The following ELF5 variants were observed in gnomAD, a reference collection of about 807,000 sequenced individuals.
The protein encoded by ELF5 is E74 like ETS transcription factor 5, also known as ETS-related transcription factor Elf-5.
ELF5 carries 31 observed loss-of-function variants against 38.2 expected under a neutral mutation model. The observed-to-expected ratio is 0.81, with a 90% confidence interval of 0.61 to 1.10. The LOEUF is 1.10. Ranked by LOEUF, ELF5 falls within the 50% of genes least tolerant of loss-of-function variation. The pLI, the probability that ELF5 is intolerant of heterozygous loss-of-function variation, is 0.00. For synonymous variants in ELF5, 121 were observed against 112.5 expected (o/e 1.08, Z -0.48); for missense variants, 300 against 306.6 (o/e 0.98, Z 0.16).
At chr11:34,504,837 T>G (rs1564984911) in intron 2 of ELF5, among the ~76,000 whole-genome samples, 1 of 151,934 alleles carries the variant, frequency 6.6e-6, no homozygotes, top group African/African-American at 2.4e-5. Flanking sequence ...CCTTCTCAGG[T>G]GGAGAAATCC....
chr11:34,490,013 T>C lies in ELF5; in HGVS notation c.402A>G (p.Lys134=). 1 of 1,614,162 alleles carries C rather than the reference T, an allele frequency of 6.2e-7. No homozygotes were observed. Among genetic ancestry groups the C allele is most frequent in the Non-Finnish European group, 8.5e-7 (1 of 1,179,982 alleles). Residue 134 remains lysine (K), a synonymous_variant, in exon 4 of 7, where the codon AAA becomes AAG. Coordinates refer to ENST00000257832, the MANE Select transcript of ELF5 (RefSeq NM_001422.4). Reference sequence around the variant, plus strand: ...GGCTTGCGCTTGGTTACTTACAGTCTTTGATGGTGGCCTTGCTTTCTTCAG... The same window carrying C: ...GGCTTGCGCTTGGTTACTTACAGTCCTTGATGGTGGCCTTGCTTTCTTCAG... ...NDAEESKATI[K]DYADSNCLKT...
At chr11:34,497,393 C>T (rs7125892) in intron 2 of ELF5, among the ~76,000 whole-genome samples, 16,766 of 152,178 alleles carry the variant, frequency 0.11, 1,756 homozygotes, top group African/African-American at 0.27. Context: ...CAGGCTCTGC[C>T]AGCTCCTTTG....
intron 2 of ELF5, among the ~76,000 whole-genome samples, chr11:34,499,417 T>C (rs944509510): frequency 1.4e-4 from 22 of 152,018 alleles, no homozygotes; most frequent in Admixed American, 2.0e-4. Flanking sequence ...AATTTTTTAA[T>C]TTTGTAGGAA....
chr11:34,508,390 C>T (rs901482514), intron 1 of ELF5, among the ~76,000 whole-genome samples: 9 of 152,104 alleles, frequency 5.9e-5, no homozygotes, highest in African/African-American at 2.2e-4. Flanking sequence ...GCAATCCCAG[C>T]TACTCGGGAG....
intron 3 of ELF5, among the ~76,000 whole-genome samples, chr11:34,490,990 C>T (rs368774188): frequency 4.8e-4 from 73 of 152,174 alleles, no homozygotes; most frequent in African/African-American, 1.7e-3. Context: ...GTTGCTAGGC[C>T]CTTAAATCCT....
At position 34,490,015 on chromosome 11, in the gene ELF5, T is replaced by G; in HGVS notation, c.400A>C (p.Lys134Gln). Residue 134 changes from lysine (K) to glutamine (Q), a missense_variant, in exon 4 of 7, where the codon AAA (lysine) becomes CAA (glutamine). Transcript: ENST00000257832. Reference protein sequence around the residue: ...NDAEESKATIKDYADSNCLKT... With the variant: ...NDAEESKATIQDYADSNCLKT... ...CTTGCGCTTGGTTACTTACAGTCTT[T>G]GATGGTGGCCTTGCTTTCTTCAGCG... 1 of 1,614,152 alleles carries G rather than the reference T, an allele frequency of 6.2e-7. No individual in the cohort carries two copies. The highest frequency in any genetic ancestry group is 1.3e-5 in the African/African-American group (1 of 75,048).
At chr11:34,513,303 T>TG (rs1477463012) in intron 1 of ELF5, among the ~76,000 whole-genome samples, 1 of 151,696 alleles carries the variant, frequency 6.6e-6, no homozygotes, top group Non-Finnish European at 1.5e-5. Context: ...GAAGGGTAGG[T>TG]GGGGGGCTTT....
In ELF5 at chr11:34,493,697, C is replaced by A; in HGVS notation, c.137G>T (p.Trp46Leu). 6.2e-7 allele frequency: 1 copy of A among 1,613,966 alleles called. No homozygotes were observed. The highest frequency in any genetic ancestry group is 8.5e-7 in the Non-Finnish European group (1 of 1,179,860). Reference protein sequence around the residue: ...FEHQTACDSYWTSVHPEYWTK... With the variant: ...FEHQTACDSYLTSVHPEYWTK... ...CCAGTATTCAGGGTGGACTGATGTCCAGTATGAGTCACAGGCTGCACCAAA... is the reference window on the plus strand; with the variant it reads ...CCAGTATTCAGGGTGGACTGATGTCAAGTATGAGTCACAGGCTGCACCAAA... The change falls in exon 3 of 7, where the codon TGG (tryptophan) becomes TTG (leucine). Residue 46 changes from tryptophan (W) to leucine (L), a missense_variant. Transcript: ENST00000257832.
intron 2 of ELF5, among the ~76,000 whole-genome samples, chr11:34,503,867 T>C (rs1361270269): frequency 2.0e-5 from 3 of 152,232 alleles, no homozygotes; most frequent in Non-Finnish European, 4.4e-5. Flanking sequence ...GGTAGCATTG[T>C]GGTCATTCCC....
Position 34,509,057 on chromosome 11 carries a change from C to T in ELF5, c.-4-3304G>A, listed in dbSNP as rs186780584. On this transcript the variant is annotated intron_variant, in intron 1 of 6. Coordinates refer to ENST00000257832, the MANE Select transcript of ELF5 (RefSeq NM_001422.4). The stretch of plus-strand genomic sequence containing the variant: ...TCAAATGTGCATGAGACGCCGGGTG[C>T]GGTGGTTCATGCCTGTAATCCCAGC... Among the ~76,000 whole-genome samples the T allele has an allele frequency of 1.7e-4, 26 of 152,236 alleles. No individual in the cohort carries two copies. In the South Asian group the frequency reaches 3.1e-3, roughly 18 times the overall value.
intron 3 of ELF5, chr11:34,493,206 T>C: frequency 1.7e-6 from 1 of 593,112 alleles, no homozygotes; most frequent in Non-Finnish European, 3.0e-6. Flanking sequence ...TGTATTATTA[T>C]CAGCCTGGTG....
intron 1 of ELF5, among the ~76,000 whole-genome samples, chr11:34,508,599 C>T (rs1460777711): frequency 6.6e-6 from 1 of 152,146 alleles, no homozygotes; most frequent in African/African-American, 2.4e-5. Context: ...ACATCATATC[C>T]TTGATTTTGC....
chr11:34,490,466 C>T (rs1362988834), intron 3 of ELF5, among the ~76,000 whole-genome samples: 1 of 152,192 alleles, frequency 6.6e-6, no homozygotes, highest in African/African-American at 2.4e-5. Flanking sequence ...AAAATACCCA[C>T]TAAGCTCCCC....
chr11:34,482,644 G>T lies in ELF5; in HGVS notation c.407-145C>A, dbSNP rs1315467487. ...GCACTTTGGGGGTGATTACTAGGTG[G>T]CAGGTGTCAAGATGCTTTAAGATGT... On this transcript the variant is annotated intron_variant, in intron 4 of 6. Transcript: ENST00000257832. 10 of 616,932 alleles carry T rather than the reference G, an allele frequency of 1.6e-5. No individual in the cohort carries two copies. The African/African-American group carries it at 1.7e-4, about 10-fold the overall frequency. 38.2% of individuals were successfully genotyped at this position (616,932 alleles called of 1,614,324 possible).
At chr11:34,509,879 A>G (rs1850709338) in intron 1 of ELF5, among the ~76,000 whole-genome samples, 1 of 152,158 alleles carries the variant, frequency 6.6e-6, no homozygotes, top group African/African-American at 2.4e-5. Flanking sequence ...AAAACAGAAA[A>G]CAGTCCCCAG....
In ELF5 at chr11:34,513,786, A is replaced by G. The variant is rs1029640537; in HGVS notation, c.-114T>C. The G allele has an allele frequency of 4.6e-5, 7 of 152,356 alleles. No homozygotes were observed. The highest frequency in any genetic ancestry group is 8.8e-5 in the Non-Finnish European group (6 of 68,124). The allele number at this position is 152,356 out of a possible 1,614,324, so 9.4% of individuals were successfully genotyped here. A position where few individuals can be genotyped will look rare whatever the true frequency, so the allele number is the denominator to read the frequency against. ...ATAAAGACACCTGTAGCCTTGTGAT[A>G]TAAGTGACACCTACAGACAGGTCCG... is the stretch of plus-strand genomic sequence containing the variant. On this transcript the variant is annotated 5_prime_UTR_variant, in exon 1 of 7. Coordinates refer to ENST00000257832, the MANE Select transcript of ELF5 (RefSeq NM_001422.4).
chr11:34,505,526 TC>T lies in ELF5; in HGVS notation c.121+102del. 6 of 1,553,658 alleles carry T rather than the reference TC, an allele frequency of 3.9e-6. No individual in the cohort carries two copies. In the South Asian group the frequency reaches 5.7e-5, roughly 15 times the overall value. The stretch of plus-strand genomic sequence containing the variant: ...AGCCCTCTGCCCTGAACTCTGGTGT[TC>T]CTAGGCCCCAGCACAGCTTTGTCTT... On this transcript the variant is annotated intron_variant, in intron 2 of 6. Coordinates refer to ENST00000257832, the MANE Select transcript of ELF5 (RefSeq NM_001422.4).
chr11:34,511,084 A>G (rs1466866773), intron 1 of ELF5, among the ~76,000 whole-genome samples: 1 of 152,198 alleles, frequency 6.6e-6, no homozygotes, highest in Non-Finnish European at 1.5e-5. Context: ...TAACTCTGTG[A>G]CTTTCTGCAG....
intron 5 of ELF5, 149 bp downstream of exon 5, chr11:34,482,282 A>G: frequency 2.7e-6 from 2 of 727,276 alleles, no homozygotes; most frequent in Non-Finnish European, 4.7e-6. Flanking sequence ...GATAATACGT[A>G]TAAAAGCAAT....
Sources: allele counts gnomAD v4.1 joint callset (sites outside exome capture counted in the v4.1 genomes callset), GRCh38; gene constraint gnomAD v4.1.1; transcripts MANE v1.5; gene names NCBI Gene and HGNC (gene_info 2026-07-23, HGNC 2026-07-21).